Variants in PIRT observed in about 807,000 individuals in gnomAD.
The protein encoded by PIRT is phosphoinositide-interacting protein.
In PIRT, 6 loss-of-function variants were observed where a neutral mutation model predicts 7.9. That is an observed-to-expected ratio of 0.76 (90% confidence interval 0.42 to 1.51). PIRT has a LOEUF of 1.51. Among genes scored for constraint, PIRT ranks in the 40% most tolerant of loss-of-function variants. The pLI is 0.01. For synonymous variants in PIRT, 78 were observed against 71.8 expected, an observed-to-expected ratio of 1.09 and a Z score of -0.44; for missense variants, 170 against 172.9, an observed-to-expected ratio of 0.98 and a Z score of 0.09.
At chr17:10,828,710 A>G (rs982218936) in intron 1 of PIRT, among the ~76,000 whole-genome samples, 2 of 152,224 alleles carry the variant, frequency 1.3e-5, no homozygotes, top group Admixed American at 6.5e-5. Flanking sequence ...GACGACGTCA[A>G]TTTCAGCGGA....
At position 10,825,630 on chromosome 17, in the gene PIRT, G is replaced by A. The variant is rs927987498; in HGVS notation, c.16C>T (p.Leu6Phe). Reference protein sequence around the residue: MTMETLPKVLEVDEKS... With the variant: MTMETFPKVLEVDEKS... Reference sequence around the variant, plus strand: ...TCATCGACCTCTAGAACCTTGGGGAGAGTCTCCATCGTCATGGTTGCTCAG... The same window carrying A: ...TCATCGACCTCTAGAACCTTGGGGAAAGTCTCCATCGTCATGGTTGCTCAG... Residue 6 changes from leucine (L) to phenylalanine (F), a missense_variant, in exon 2 of 2, where the codon CTC becomes TTC. Coordinates refer to ENST00000580256, the MANE Select transcript of PIRT (RefSeq NM_001101387.2). 3 of 1,490,910 alleles carry A rather than the reference G, an allele frequency of 2.0e-6. No homozygotes were observed. The highest frequency in any genetic ancestry group is 2.5e-5 in the East Asian group (1 of 40,512). 92.4% of individuals were successfully genotyped at this position (1,490,910 alleles called of 1,614,324 possible). A position where few individuals can be genotyped will look rare whatever the true frequency, so the allele number is the denominator to read the frequency against.
intron 1 of PIRT, among the ~76,000 whole-genome samples, chr17:10,831,687 C>G (rs1905465650): frequency 6.6e-6 from 1 of 152,188 alleles, no homozygotes; most frequent in Non-Finnish European, 1.5e-5. Context: ...GTCACCAAGT[C>G]TGTGGCAATT....
chr17:10,836,254 T>C (rs901977846), intron 1 of PIRT, among the ~76,000 whole-genome samples: 6 of 152,154 alleles, frequency 3.9e-5, no homozygotes, highest in Non-Finnish European at 7.3e-5. Flanking sequence ...TGCCTTTTTT[T>C]CTTCTTGTTT....
intron 1 of PIRT, among the ~76,000 whole-genome samples, chr17:10,835,126 C>T (rs1406486866): frequency 1.3e-5 from 2 of 152,126 alleles, no homozygotes; most frequent in Non-Finnish European, 2.9e-5. Flanking sequence ...CCTAAGTGAC[C>T]GCTCACCTCG....
At chr17:10,825,885 T>C (rs149706355) in intron 1 of PIRT, 102 bp from the exon 2 acceptor site, 1 of 370,604 alleles carries the variant, frequency 2.7e-6, no homozygotes, top group East Asian at 4.1e-5. Context: ...TATAACATTT[T>C]ATTCAATAGC....
At chr17:10,829,965 G>GTCTATCTA (rs10561822) in intron 1 of PIRT, among the ~76,000 whole-genome samples, 4,028 of 149,580 alleles carry the variant, frequency 0.027, 52 homozygotes, top group African/African-American at 0.031. Flanking sequence ...ATGTCTGTCT[G>GTCTATCTA]TCTATCTATC....
At chr17:10,834,054 A>G (rs1013216827) in intron 1 of PIRT, among the ~76,000 whole-genome samples, 6 of 152,204 alleles carry the variant, frequency 3.9e-5, no homozygotes, top group African/African-American at 1.4e-4. Flanking sequence ...TTAAATATAC[A>G]TCTACCCTTT....
intron 1 of PIRT, among the ~76,000 whole-genome samples, chr17:10,833,889 G>GT (rs574504255): frequency 7.9e-5 from 12 of 152,176 alleles, no homozygotes; most frequent in Non-Finnish European, 1.6e-4. Flanking sequence ...TGACATTGAT[G>GT]TTTAACAGGA....
chr17:10,829,512 G>A (rs1905412689), intron 1 of PIRT, among the ~76,000 whole-genome samples: 1 of 152,194 alleles, frequency 6.6e-6, no homozygotes, highest in Admixed American at 6.5e-5. Context: ...CAGAGACTGA[G>A]GCCCAGTGGG....
At chr17:10,833,718 C>G (rs1334383151) in intron 1 of PIRT, among the ~76,000 whole-genome samples, 1 of 151,788 alleles carries the variant, frequency 6.6e-6, no homozygotes, top group Non-Finnish European at 1.5e-5. Flanking sequence ...CTCGCCACTG[C>G]ACTCCAGCCT....
chr17:10,828,226 T>C (rs1905380043), intron 1 of PIRT, among the ~76,000 whole-genome samples: 1 of 152,174 alleles, frequency 6.6e-6, no homozygotes, highest in Non-Finnish European at 1.5e-5. Flanking sequence ...GGCTCTCTCC[T>C]CCTGTACCCC....
Position 10,826,216 on chromosome 17 carries a change from G to A in PIRT, c.-138-433C>T, listed in dbSNP as rs368201732. 1.3e-3 allele frequency among the ~76,000 whole-genome samples: 194 copies of A among 152,132 alleles called. 2 individuals are homozygous for A. The highest frequency in any genetic ancestry group is 3.7e-3 in the African/African-American group (152 of 41,520). ...TGACCTCAAGTTATCCACCTGCCTC[G>A]GCCTCCCAAAGTGCTGGGATTACAG... On this transcript the variant is annotated intron_variant, in intron 1 of 1. Coordinates refer to ENST00000580256, the MANE Select transcript of PIRT (RefSeq NM_001101387.2).
In PIRT at chr17:10,823,742, CTT is replaced by C. The variant is rs1310732399; in HGVS notation, c.*1488_*1489del. 1.3e-5 allele frequency: 2 copies of C among 152,212 alleles called. No homozygotes were observed. Among genetic ancestry groups the C allele is most frequent in the Non-Finnish European group, 1.5e-5 (1 of 68,074 alleles). 9.4% of individuals were successfully genotyped at this position (152,212 alleles called of 1,614,324 possible). A position where few individuals can be genotyped will look rare whatever the true frequency, so the allele number is the denominator to read the frequency against. The stretch of plus-strand genomic sequence containing the variant: ...GTTACAGAAGCACTTCTCAGGGACT[CTT>C]TGCTTGCCAGGCCCTCTGGAAACCC... On this transcript the variant is annotated 3_prime_UTR_variant, in exon 2 of 2. Transcript: ENST00000580256.
chr17:10,834,188 A>AAAAAAG (rs933459594), intron 1 of PIRT, among the ~76,000 whole-genome samples: 4 of 152,206 alleles, frequency 2.6e-5, no homozygotes, highest in Admixed American at 1.3e-4. Context: ...TAAAAAAGAA[A>AAAAAAG]AAAAAGAAAA....
At chr17:10,827,469 T>TCTTTTTC (rs1356956354) in intron 1 of PIRT, among the ~76,000 whole-genome samples, 1 of 112,698 alleles carries the variant, frequency 8.9e-6, no homozygotes, top group African/African-American at 4.7e-5. Flanking sequence ...TCTTTTCTTT[T>TCTTTTTC]TTTTTTTTTT....
At chr17:10,831,190 A>G (rs1394299101) in intron 1 of PIRT, among the ~76,000 whole-genome samples, 3 of 152,160 alleles carry the variant, frequency 2.0e-5, no homozygotes, top group African/African-American at 7.2e-5. Context: ...GGTAACACTC[A>G]GGGGGCTGGT....
chr17:10,836,228 C>A (rs1257975207), intron 1 of PIRT, among the ~76,000 whole-genome samples: 1 of 152,154 alleles, frequency 6.6e-6, no homozygotes, highest in African/African-American at 2.4e-5. Flanking sequence ...TTTATGCTTT[C>A]TCAAGGAGAG....
chr17:10,824,898 C>A lies in PIRT; in HGVS notation c.*334G>T. The A allele has an allele frequency of 3.3e-6, 1 of 301,822 alleles. No homozygotes were observed. Among genetic ancestry groups the A allele is most frequent in the Non-Finnish European group, 6.2e-6 (1 of 161,896 alleles). The allele number at this position is 301,822 out of a possible 1,614,324, so 18.7% of individuals were successfully genotyped here. A position where few individuals can be genotyped will look rare whatever the true frequency, so the allele number is the denominator to read the frequency against. On this transcript the variant is annotated 3_prime_UTR_variant, in exon 2 of 2. Coordinates refer to ENST00000580256, the MANE Select transcript of PIRT (RefSeq NM_001101387.2). ...ATGAGGTTCTCCCTTGGGCATAGCC[C>A]ACCTTCGAAGAATTTCCCAGCATGC...
Position 10,835,532 on chromosome 17 carries a change from C to A in PIRT, c.-139+2413G>T, listed in dbSNP as rs140652579. Among the ~76,000 whole-genome samples, 421 of 152,298 alleles carry A rather than the reference C, an allele frequency of 2.8e-3. 2 individuals are homozygous for A. The Middle Eastern group carries it at 0.034, about 12-fold the overall frequency. On this transcript the variant is annotated intron_variant, in intron 1 of 1. Coordinates refer to ENST00000580256, the MANE Select transcript of PIRT (RefSeq NM_001101387.2). Reference sequence around the variant, plus strand: ...AAGTCTATTCCGCCCCTCCTTGGGGCGGTTTTAACGTTTATTTTCAAATTA... The same window carrying A: ...AAGTCTATTCCGCCCCTCCTTGGGGAGGTTTTAACGTTTATTTTCAAATTA...
Sources: allele counts gnomAD v4.1 joint callset (sites outside exome capture counted in the v4.1 genomes callset), GRCh38; gene constraint gnomAD v4.1.1; transcripts MANE v1.5; gene names NCBI Gene and HGNC (gene_info 2026-07-23, HGNC 2026-07-21).